Variants in SIK2 observed in about 807,000 individuals in gnomAD.
SIK2 encodes serine/threonine-protein kinase SIK2.
SIK2 carries 29 observed loss-of-function variants against 103.2 expected under a neutral mutation model. That is an observed-to-expected ratio of 0.28 (90% CI 0.21 to 0.38). The LOEUF (loss-of-function observed/expected upper bound fraction) is 0.38. Ranked by LOEUF, SIK2 falls within the 10% of genes least tolerant of loss-of-function variation. The pLI, the probability that SIK2 is intolerant of heterozygous loss-of-function variation, is 1.00. For synonymous variants in SIK2, 412 were observed against 446.1 expected, an observed-to-expected ratio of 0.92 and a Z score of 0.96; for missense variants, 879 against 1,171.0, an observed-to-expected ratio of 0.75 and a Z score of 3.64.
intron 2 of SIK2, 105 bp downstream of exon 2, chr11:111,616,464 A>G (rs1941807992): frequency 2.8e-6 from 2 of 710,152 alleles, no homozygotes; most frequent in African/African-American, 1.8e-5. Context: ...ATGAAAGAAA[A>G]TAAATGTATG....
intron 3 of SIK2, among the ~76,000 whole-genome samples, chr11:111,648,818 G>A (rs1942291216): frequency 6.6e-6 from 1 of 151,728 alleles, no homozygotes; most frequent in African/African-American, 2.4e-5. Context: ...TTTTCCTACT[G>A]GAAAAAATAG....
chr11:111,683,145 C>A (rs1341330768), intron 3 of SIK2: 1 of 153,708 alleles, frequency 6.5e-6, no homozygotes, highest in African/African-American at 2.4e-5. Context: ...ACATCTGTCA[C>A]CCCACTGATC....
intron 11 of SIK2, 65 bp downstream of exon 11, chr11:111,720,827 G>A: frequency 6.3e-7 from 1 of 1,577,736 alleles, no homozygotes; most frequent in South Asian, 1.2e-5. Context: ...TGCCATGTTG[G>A]TGTGGTCACC....
intron 3 of SIK2, among the ~76,000 whole-genome samples, chr11:111,664,858 C>A (rs1472524095): frequency 1.3e-5 from 2 of 152,162 alleles, no homozygotes; most frequent in Admixed American, 6.5e-5. Context: ...TCGTATCACC[C>A]TTTCTTTTCC....
intron 3 of SIK2, among the ~76,000 whole-genome samples, chr11:111,650,139 A>C (rs1942309338): frequency 6.6e-6 from 1 of 152,002 alleles, no homozygotes; most frequent in Non-Finnish European, 1.5e-5. Context: ...TAAACAACTA[A>C]AATACAGCTT....
At chr11:111,721,189 C>A in intron 12 of SIK2, 127 bp downstream of exon 12, 1 of 1,191,096 alleles carries the variant, frequency 8.4e-7, no homozygotes, top group Non-Finnish European at 1.1e-6. Flanking sequence ...TGGGAAAACC[C>A]ACAGCTTCTT....
chr11:111,716,968 G>C (rs1051128438), intron 9 of SIK2, among the ~76,000 whole-genome samples: 2 of 152,054 alleles, frequency 1.3e-5, no homozygotes, highest in African/African-American at 4.8e-5. Flanking sequence ...CAAAGGACAA[G>C]AACAGACACT....
At chr11:111,621,262 T>A (rs1941881737) in intron 3 of SIK2, among the ~76,000 whole-genome samples, 1 of 152,208 alleles carries the variant, frequency 6.6e-6, no homozygotes, top group Admixed American at 6.5e-5. Flanking sequence ...ACTGACCTGT[T>A]TTTTGTCATT....
chr11:111,706,613 C>A (rs1226626802), intron 8 of SIK2, among the ~76,000 whole-genome samples: 1 of 152,124 alleles, frequency 6.6e-6, no homozygotes, highest in East Asian at 1.9e-4. Context: ...GGAATTAAAT[C>A]TTCTTGATTT....
In SIK2 at chr11:111,725,921, G is replaced by T. The variant is rs2135986229; in HGVS notation, c.*1792G>T. ...AGTGGGAAAGGGCAGTGTGGGGACT[G>T]TCATTTTTGTGATTTAATAACACAC... is the stretch of plus-strand genomic sequence containing the variant. On this transcript the variant is annotated 3_prime_UTR_variant, in exon 15 of 15. Transcript: ENST00000304987. 6.6e-6 allele frequency: 1 copy of T among 152,326 alleles called. No homozygotes were observed. The highest frequency in any genetic ancestry group is 3.4e-3 in the Middle Eastern group (1 of 294). The allele number at this position is 152,326 out of a possible 1,614,324, so 9.4% of individuals were successfully genotyped here. A position where few individuals can be genotyped will look rare whatever the true frequency, so the allele number is the denominator to read the frequency against.
intron 4 of SIK2, among the ~76,000 whole-genome samples, chr11:111,699,240 G>T (rs1943153789): frequency 6.6e-6 from 1 of 152,132 alleles, no homozygotes; most frequent in African/African-American, 2.4e-5. Context: ...TTGTTCACCA[G>T]GTTTAGACTG....
In SIK2 at chr11:111,689,295, A is replaced by T. The variant is rs1032789352; in HGVS notation, c.478+1133A>T. 1.3e-5 allele frequency among the ~76,000 whole-genome samples: 2 copies of T among 152,180 alleles called. 1 individual carries two copies. The highest frequency in any genetic ancestry group is 1.3e-4 in the Admixed American group (2 of 15,274). The stretch of plus-strand genomic sequence containing the variant: ...TCTAGCCTACTGAAAATTATAGGGC[A>T]TGGGTAGGGGTAAAGTGGAATTGGG... On this transcript the variant is annotated intron_variant, in intron 4 of 14. Coordinates refer to ENST00000304987, the MANE Select transcript of SIK2 (RefSeq NM_015191.3).
intron 3 of SIK2, among the ~76,000 whole-genome samples, chr11:111,669,187 A>G (rs1429520816): frequency 1.3e-5 from 2 of 152,202 alleles, no homozygotes; most frequent in African/African-American, 4.8e-5. Flanking sequence ...CTAGAATACA[A>G]CTAAACTGGT....
intron 3 of SIK2, among the ~76,000 whole-genome samples, chr11:111,674,473 C>A (rs1467780559): frequency 6.6e-6 from 1 of 152,180 alleles, no homozygotes; most frequent in Non-Finnish European, 1.5e-5. Flanking sequence ...TCTACATCAT[C>A]TTACTTAATG....
intron 3 of SIK2, among the ~76,000 whole-genome samples, chr11:111,685,171 G>T (rs1942829349): frequency 6.6e-6 from 1 of 152,194 alleles, no homozygotes; most frequent in African/African-American, 2.4e-5. Flanking sequence ...CCCAGGTTGG[G>T]GAGGATGATT....
intron 3 of SIK2, among the ~76,000 whole-genome samples, chr11:111,636,652 T>C (rs999152536): frequency 2.0e-5 from 3 of 152,200 alleles, no homozygotes; most frequent in Non-Finnish European, 4.4e-5. Context: ...GCCTCTCTTA[T>C]ACATACTTCA....
intron 3 of SIK2, among the ~76,000 whole-genome samples, chr11:111,680,358 G>C (rs551797533): frequency 2.6e-5 from 4 of 152,200 alleles, no homozygotes; most frequent in African/African-American, 9.6e-5. Flanking sequence ...AACTAGAATT[G>C]TGAAGTCTGC....
rs74578132 is a variant in SIK2, at chr11:111,678,679, C to G, written c.317-9322C>G. Among the ~76,000 whole-genome samples, 1,253 of 152,238 alleles carry G rather than the reference C, an allele frequency of 8.2e-3. 11 individuals are homozygous for G. The highest frequency in any genetic ancestry group is 0.065 in the Middle Eastern group (19 of 294). ...TTGATTTGCCCTATTAAATATTTCA[C>G]AGTTAGAATTATAAATTTCTTGCTA... is the stretch of plus-strand genomic sequence containing the variant. On this transcript the variant is annotated intron_variant, in intron 3 of 14. Coordinates refer to ENST00000304987, the MANE Select transcript of SIK2 (RefSeq NM_015191.3).
chr11:111,696,893 C>G (rs1212721220), intron 4 of SIK2, among the ~76,000 whole-genome samples: 2 of 152,166 alleles, frequency 1.3e-5, no homozygotes, highest in African/African-American at 4.8e-5. Context: ...TCATTCCCCC[C>G]CTACTCACCT....
Sources: allele counts gnomAD v4.1 joint callset (sites outside exome capture counted in the v4.1 genomes callset), GRCh38; gene constraint gnomAD v4.1.1; transcripts MANE v1.5; gene names NCBI Gene and HGNC (gene_info 2026-07-23, HGNC 2026-07-21).